TMTC2: variants seen among roughly 807,000 people sequenced by gnomAD.
TMTC2 encodes the protein protein O-mannosyl-transferase TMTC2.
TMTC2 carries 43 observed loss-of-function variants against 82.4 expected under a neutral mutation model. The ratio of observed to expected loss-of-function variants is 0.52; its 90% CI spans 0.41 to 0.67. The LOEUF (loss-of-function observed/expected upper bound fraction) is 0.67. Ranked by LOEUF, TMTC2 falls within the 30% of genes least tolerant of loss-of-function variation. TMTC2 has a pLI of 0.00. For synonymous variants in TMTC2, 408 were observed against 381.9 expected, an observed-to-expected ratio of 1.07 and a Z score of -0.80; for missense variants, 919 against 1,012.4, an observed-to-expected ratio of 0.91 and a Z score of 1.25.
chr12:82,860,137 C>T (rs961522109), intron 2 of TMTC2, among the ~76,000 whole-genome samples: 7 of 152,078 alleles, frequency 4.6e-5, no homozygotes, highest in Non-Finnish European at 2.9e-5. Flanking sequence ...CCAGGCCTGG[C>T]TAATTTTTGT....
At chr12:82,801,052 T>C (rs1878972441) in intron 1 of TMTC2, among the ~76,000 whole-genome samples, 1 of 152,174 alleles carries the variant, frequency 6.6e-6, no homozygotes, top group Non-Finnish European at 1.5e-5. Flanking sequence ...TTTTGACAAC[T>C]TCCAAAATAC....
At chr12:82,946,218 A>G (rs2137270574) in intron 4 of TMTC2, among the ~76,000 whole-genome samples, 1 of 152,284 alleles carries the variant, frequency 6.6e-6, no homozygotes, top group Middle Eastern at 3.4e-3. Context: ...ATGTAAACCT[A>G]GTTTACTTTG....
intron 1 of TMTC2, among the ~76,000 whole-genome samples, chr12:82,810,307 T>C (rs1345841238): frequency 6.6e-6 from 1 of 151,674 alleles, no homozygotes; most frequent in Non-Finnish European, 1.5e-5. Context: ...GAGATTTTAA[T>C]TTGCTTTTCA....
intron 3 of TMTC2, among the ~76,000 whole-genome samples, chr12:82,899,752 A>G (rs1046213587): frequency 6.2e-5 from 9 of 145,286 alleles, no homozygotes; most frequent in Admixed American, 3.6e-4. Flanking sequence ...ATATATATAT[A>G]TAAGAATATA....
chr12:82,749,258 G>C (rs11608632), intron 1 of TMTC2, among the ~76,000 whole-genome samples: 1 of 152,196 alleles, frequency 6.6e-6, no homozygotes, highest in Non-Finnish European at 1.5e-5. Flanking sequence ...ACGTTACCCA[G>C]AATCACACTG....
intron 2 of TMTC2, among the ~76,000 whole-genome samples, chr12:82,880,613 C>G (rs1381658934): frequency 6.6e-6 from 1 of 152,174 alleles, no homozygotes; most frequent in East Asian, 1.9e-4. Context: ...GCCAGACATG[C>G]ACCTGGCAAA....
chr12:83,092,600 T>G (rs958292826), intron 11 of TMTC2, among the ~76,000 whole-genome samples: 4 of 152,186 alleles, frequency 2.6e-5, no homozygotes, highest in Non-Finnish European at 5.9e-5. Context: ...CACCATATTA[T>G]CTATATTATT....
chr12:83,015,515 C>T (rs1221519583), intron 8 of TMTC2, among the ~76,000 whole-genome samples: 1 of 152,176 alleles, frequency 6.6e-6, no homozygotes, highest in East Asian at 1.9e-4. Context: ...GCTCACATCA[C>T]ACATTTTTTC....
At chr12:82,926,655 G>A (rs1875735907) in intron 3 of TMTC2, among the ~76,000 whole-genome samples, 1 of 152,188 alleles carries the variant, frequency 6.6e-6, no homozygotes, top group African/African-American at 2.4e-5. Context: ...CTAGAGAGGT[G>A]TTAGTGCCTG....
intron 4 of TMTC2, among the ~76,000 whole-genome samples, chr12:82,935,950 A>G (rs945305455): frequency 2.0e-5 from 3 of 152,116 alleles, no homozygotes; most frequent in Non-Finnish European, 4.4e-5. Flanking sequence ...AACAATAGGA[A>G]GTAATGCATA....
intron 1 of TMTC2, among the ~76,000 whole-genome samples, chr12:82,731,413 C>CAGTAATATGTTCAGTAAGTAGA (rs1316958167): frequency 6.6e-6 from 1 of 152,034 alleles, no homozygotes; most frequent in Non-Finnish European, 1.5e-5. Context: ...AGTGTGAGTA[C>CAGTAATATGTTCAGTAAGTAGA]AGTAATATGT....
rs1876516404 is a variant in TMTC2, at chr12:82,938,241, T to A, written c.1598+7696T>A. Among the ~76,000 whole-genome samples, 3 of 152,018 alleles carry A rather than the reference T, an allele frequency of 2.0e-5. No homozygotes were observed. The South Asian group carries it at 6.2e-4, about 32-fold the overall frequency. On this transcript the variant is annotated intron_variant, in intron 4 of 11. Coordinates refer to ENST00000321196, the MANE Select transcript of TMTC2 (RefSeq NM_152588.3). ...TTTAGATTCAATCCTAATAAGGGTA[T>A]GAGAGATGTTCTTGAAAATTCAGGG... is the stretch of plus-strand genomic sequence containing the variant.
At chr12:82,918,770 CTCTT>C (rs1464497154) in intron 3 of TMTC2, among the ~76,000 whole-genome samples, 6 of 151,406 alleles carry the variant, frequency 4.0e-5, no homozygotes, top group African/African-American at 1.2e-4. Flanking sequence ...CTCTCTCCCT[CTCTT>C]TGAGACAGAG....
At chr12:82,748,653 A>C (rs1460670577) in intron 1 of TMTC2, among the ~76,000 whole-genome samples, 1 of 152,202 alleles carries the variant, frequency 6.6e-6, no homozygotes, top group African/African-American at 2.4e-5. Context: ...AGGCGGGTGG[A>C]TCACCTGAGG....
intron 8 of TMTC2, among the ~76,000 whole-genome samples, chr12:83,025,252 T>C (rs1056545349): frequency 5.9e-5 from 9 of 152,098 alleles, no homozygotes; most frequent in Admixed American, 1.3e-4. Flanking sequence ...ATATGTTGAC[T>C]GGTTATTGTA....
chr12:82,783,654 G>T (rs747996943), intron 1 of TMTC2, among the ~76,000 whole-genome samples: 1 of 152,006 alleles, frequency 6.6e-6, no homozygotes, highest in Admixed American at 6.6e-5. Flanking sequence ...ATGCAAATCC[G>T]GGGGAAGAGT....
At chr12:83,108,348 A>C (rs369455832) in intron 11 of TMTC2, among the ~76,000 whole-genome samples, 42 of 152,166 alleles carry the variant, frequency 2.8e-4, no homozygotes, top group African/African-American at 9.9e-4. Context: ...TTAGCTAGCC[A>C]CCGAAGTACA....
intron 1 of TMTC2, among the ~76,000 whole-genome samples, chr12:82,712,384 C>T (rs970772393): frequency 2.8e-5 from 4 of 144,942 alleles, no homozygotes; most frequent in South Asian, 2.2e-4. Flanking sequence ...GAGCCAAGAT[C>T]GCACCACTGC....
At chr12:82,725,781 T>C (rs879157761) in intron 1 of TMTC2, among the ~76,000 whole-genome samples, 3 of 152,226 alleles carry the variant, frequency 2.0e-5, no homozygotes, top group Admixed American at 2.0e-4. Context: ...TAGGTAAATT[T>C]AAACATTTTC....
Sources: gnomAD v4.1 joint callset for allele counts (sites outside exome capture counted in the v4.1 genomes callset) on GRCh38, gnomAD v4.1.1 for gene constraint, MANE v1.5 for transcripts, NCBI Gene and HGNC (gene_info 2026-07-23, HGNC 2026-07-21) for gene names.